PIEZO2: variants seen among roughly 807,000 people sequenced by gnomAD.
PIEZO2 encodes the protein piezo-type mechanosensitive ion channel component 2.
In PIEZO2, 172 loss-of-function variants were observed where a neutral mutation model predicts 337.3. That is an observed-to-expected ratio of 0.51 (90% CI 0.45 to 0.58). The LOEUF is 0.58. PIEZO2 is among the 20% of genes least tolerant of loss of function. PIEZO2 has a pLI of 0.00. For synonymous variants in PIEZO2, 1,251 were observed against 1,228.5 expected, an observed-to-expected ratio of 1.02 and a Z score of -0.38; for missense variants, 3,028 against 3,391.3, an observed-to-expected ratio of 0.89 and a Z score of 2.66.
At position 10,945,954 on chromosome 18, in the gene PIEZO2, C is replaced by T. The variant is rs972404216; in HGVS notation, c.286+33581G>A. ...GAATGTGAGGATACAGCATCAGAAA[C>T]TAACCAAAATGAAACACAGGAAAAA... On this transcript the variant is annotated intron_variant, in intron 3 of 55. Coordinates refer to ENST00000674853, the MANE Select transcript of PIEZO2 (RefSeq NM_001378183.1). This position sits in a 1 kb window ranked among gnomAD's most constrained non-coding sequence, Gnocchi z 4.0. 1.3e-5 allele frequency among the ~76,000 whole-genome samples: 2 copies of T among 152,070 alleles called. No homozygotes were observed. The highest frequency in any genetic ancestry group is 2.9e-5 in the Non-Finnish European group (2 of 68,000).
intron 49 of PIEZO2, among the ~76,000 whole-genome samples, chr18:10,683,777 A>G (rs1031689644): frequency 1.3e-5 from 2 of 152,196 alleles, no homozygotes; most frequent in African/African-American, 2.4e-5. Context: ...CTGGATCATG[A>G]AAGTTTTGCA....
chr18:10,769,049 G>T (rs966818327), intron 21 of PIEZO2, among the ~76,000 whole-genome samples: 4 of 152,140 alleles, frequency 2.6e-5, no homozygotes, highest in Non-Finnish European at 5.9e-5. Context: ...TTCAGAAATG[G>T]TCTCTGTGCA....
rs961647004 is a variant in PIEZO2, at chr18:11,105,365, C to T, written c.65-39143G>A. Among the ~76,000 whole-genome samples, 3 of 152,140 alleles carry T rather than the reference C, an allele frequency of 2.0e-5. No homozygotes were observed. Among genetic ancestry groups the T allele is most frequent in the Admixed American group, 6.5e-5 (1 of 15,274 alleles). On this transcript the variant is annotated intron_variant, in intron 1 of 55. Coordinates refer to ENST00000674853, the MANE Select transcript of PIEZO2 (RefSeq NM_001378183.1). This position sits in a 1 kb window ranked among gnomAD's most constrained non-coding sequence, Gnocchi z 4.3. ...AGACTGTAAACCACACAACTAAACT[C>T]GACAAGAATATGTTCCATTTGTAAT...
intron 3 of PIEZO2, among the ~76,000 whole-genome samples, chr18:10,916,280 C>CGT (rs2030948198): frequency 6.6e-6 from 1 of 152,014 alleles, no homozygotes; most frequent in South Asian, 2.1e-4. Context: ...CCACGCTGCA[C>CGT]GCCCCTGCAC....
rs2032785071 is a variant in PIEZO2, at chr18:10,942,542, G to A, written c.287-31314C>T. ...TGAGAGAGATGATTTAGGGTATCTG[G>A]CGGAAGAAATTTCTAAGCAACAAAG... On this transcript the variant is annotated intron_variant, in intron 3 of 55. Coordinates refer to ENST00000674853, the MANE Select transcript of PIEZO2 (RefSeq NM_001378183.1). The surrounding 1 kb of genome is among the most constrained non-coding windows in gnomAD (Gnocchi z 4.4). Among the ~76,000 whole-genome samples the A allele has an allele frequency of 3.3e-5, 5 of 152,148 alleles. No individual in the cohort carries two copies. Among genetic ancestry groups the A allele is most frequent in the Admixed American group, 3.3e-4 (5 of 15,280 alleles).
intron 5 of PIEZO2, among the ~76,000 whole-genome samples, chr18:10,866,007 G>C (rs761518781): frequency 6.6e-6 from 1 of 152,122 alleles, no homozygotes; most frequent in African/African-American, 2.4e-5. Context: ...TAAAAATATT[G>C]ATCTAAAAAG....
At chr18:10,921,780 A>T (rs2031425325) in intron 3 of PIEZO2, among the ~76,000 whole-genome samples, 1 of 152,188 alleles carries the variant, frequency 6.6e-6, no homozygotes, top group Admixed American at 6.5e-5. Flanking sequence ...TTTCTCAGCA[A>T]GGAACATCCC....
At chr18:10,893,278 T>C (rs1035371119) in intron 4 of PIEZO2, among the ~76,000 whole-genome samples, 1 of 152,244 alleles carries the variant, frequency 6.6e-6, no homozygotes, top group African/African-American at 2.4e-5. Context: ...GAGATTTGTA[T>C]GCCTACACAT....
In PIEZO2 at chr18:10,689,690, T is replaced by C. The variant is rs775723608; in HGVS notation, c.7462A>G (p.Ile2488Val). 3 of 1,614,258 alleles carry C rather than the reference T, an allele frequency of 1.9e-6. No individual in the cohort carries two copies. Among genetic ancestry groups the C allele is most frequent in the East Asian group, 4.5e-5 (2 of 44,886 alleles). ...WICVEDIYAHIFILKCWRESE... is the reference protein window; with the variant it reads ...WICVEDIYAHVFILKCWRESE... ...TCCCGCCAACACTTCAGGATGAATATGTGAGCATAGATGTCCTCCACACAG... is the reference window on the plus strand; with the variant it reads ...TCCCGCCAACACTTCAGGATGAATACGTGAGCATAGATGTCCTCCACACAG... The change falls in exon 49 of 56, where the codon ATA becomes GTA. Residue 2488 changes from isoleucine to valine, a missense_variant. Transcript: ENST00000674853.
In PIEZO2 at chr18:10,866,507, A is replaced by G. The variant is rs534822078; in HGVS notation, c.492+4746T>C. The stretch of plus-strand genomic sequence containing the variant: ...TCACTGTGTTAGCCAGGATGGTCTC[A>G]ATATCCCGACCTCGTGATCTGCCCA... On this transcript the variant is annotated intron_variant, in intron 5 of 55. Coordinates refer to ENST00000674853, the MANE Select transcript of PIEZO2 (RefSeq NM_001378183.1). 1.8e-3 allele frequency among the ~76,000 whole-genome samples: 273 copies of G among 152,216 alleles called. 1 individual carries two copies. Among genetic ancestry groups the G allele is most frequent in the Admixed American group, 3.3e-3 (50 of 15,292 alleles).
At chr18:10,779,711 A>C (rs906849229) in intron 18 of PIEZO2, among the ~76,000 whole-genome samples, 14 of 152,274 alleles carry the variant, frequency 9.2e-5, no homozygotes, top group Admixed American at 3.3e-4. Flanking sequence ...TTCATTTAGG[A>C]AATAGCTATC....
At chr18:10,718,502 G>A (rs1166753396) in intron 36 of PIEZO2, among the ~76,000 whole-genome samples, 2 of 152,186 alleles carry the variant, frequency 1.3e-5, no homozygotes, top group Non-Finnish European at 1.5e-5. Context: ...GCCAGTACTC[G>A]TGGGCTGACT....
In PIEZO2 at chr18:11,036,840, G is replaced by A. The variant is rs117529823; in HGVS notation, c.160+29287C>T. On this transcript the variant is annotated intron_variant, in intron 2 of 55. Coordinates refer to ENST00000674853, the MANE Select transcript of PIEZO2 (RefSeq NM_001378183.1). Reference sequence around the variant, plus strand: ...CAAACCAGGTCACACACTGACAGTTGTTATGTCCTGTGATTGAGAGTGATG... The same window carrying A: ...CAAACCAGGTCACACACTGACAGTTATTATGTCCTGTGATTGAGAGTGATG... Among the ~76,000 whole-genome samples the A allele has an allele frequency of 2.2e-3, 341 of 152,258 alleles. 1 individual carries two copies. In the Middle Eastern group the frequency reaches 0.031, roughly 14 times the overall value.
chr18:10,802,282 A>G (rs1964134002), intron 9 of PIEZO2, among the ~76,000 whole-genome samples: 1 of 152,148 alleles, frequency 6.6e-6, no homozygotes, highest in Non-Finnish European at 1.5e-5. Context: ...TGGTTCTACC[A>G]CAATTTTAGG....
In PIEZO2 at chr18:11,035,227, T is replaced by C. The variant is rs2036883133; in HGVS notation, c.160+30900A>G. On this transcript the variant is annotated intron_variant, in intron 2 of 55. Coordinates refer to ENST00000674853, the MANE Select transcript of PIEZO2 (RefSeq NM_001378183.1). This position sits in a 1 kb window ranked among gnomAD's most constrained non-coding sequence, Gnocchi z 4.3. ...GACATGGGGCCTGGTGGGAGGTGTT[T>C]GGTCCCAGCAGTAATGAGAGAGTTC... Among the ~76,000 whole-genome samples, 1 of 152,208 alleles carries C rather than the reference T, an allele frequency of 6.6e-6. No homozygotes were observed. Among genetic ancestry groups the C allele is most frequent in the African/African-American group, 2.4e-5 (1 of 41,448 alleles).
At position 10,671,334 on chromosome 18, in the gene PIEZO2, A is replaced by G; in HGVS notation, c.*193T>C. On this transcript the variant is annotated 3_prime_UTR_variant, in exon 56 of 56. Transcript: ENST00000674853. ...CTGATTTCAGAGAAATGGAGTTACA[A>G]ATAACATTTTCAACAGTGCCTTAAC... The G allele has an allele frequency of 1.9e-6, 1 of 528,704 alleles. No homozygotes were observed. Among genetic ancestry groups the G allele is most frequent in the Non-Finnish European group, 3.2e-6 (1 of 312,168 alleles). 32.8% of individuals were successfully genotyped at this position (528,704 alleles called of 1,614,324 possible). A position where few individuals can be genotyped will look rare whatever the true frequency, so the allele number is the denominator to read the frequency against.
At chr18:10,906,045 A>G (rs1008472437) in intron 4 of PIEZO2, among the ~76,000 whole-genome samples, 1 of 152,152 alleles carries the variant, frequency 6.6e-6, no homozygotes, top group Non-Finnish European at 1.5e-5. Flanking sequence ...GATGCTGGGG[A>G]AGAGGCTTGC....
At chr18:11,053,236 A>G (rs552512609) in intron 2 of PIEZO2, among the ~76,000 whole-genome samples, 35 of 152,338 alleles carry the variant, frequency 2.3e-4, no homozygotes, top group South Asian at 4.1e-4. Flanking sequence ...TCTAAGTACT[A>G]TGTAACTAAA....
chr18:10,671,460 A>G lies in PIEZO2; in HGVS notation c.*67T>C. On this transcript the variant is annotated 3_prime_UTR_variant, in exon 56 of 56. Coordinates refer to ENST00000674853, the MANE Select transcript of PIEZO2 (RefSeq NM_001378183.1). Reference sequence around the variant, plus strand: ...GTCGAACTAGAAATGCTTAGCTCTTATGAGAATATTGTGCTTTTAAAAAAA... The same window carrying G: ...GTCGAACTAGAAATGCTTAGCTCTTGTGAGAATATTGTGCTTTTAAAAAAA... 6.7e-7 allele frequency: 1 copy of G among 1,489,808 alleles called. No individual in the cohort carries two copies. The highest frequency in any genetic ancestry group is 9.1e-7 in the Non-Finnish European group (1 of 1,101,314). 92.3% of individuals were successfully genotyped at this position (1,489,808 alleles called of 1,614,324 possible).
Sources: allele counts gnomAD v4.1 joint callset (sites outside exome capture counted in the v4.1 genomes callset), GRCh38; gene constraint gnomAD v4.1.1; non-coding constraint Gnocchi (gnomAD v3.1); transcripts MANE v1.5; gene names NCBI Gene and HGNC (gene_info 2026-07-23, HGNC 2026-07-21).